NKAIN2: variants seen among roughly 807,000 people sequenced by gnomAD.
NKAIN2 encodes the protein sodium/potassium transporting ATPase interacting 2.
A neutral mutation model predicts 32.6 loss-of-function variants in NKAIN2; 14 were observed. That is an observed-to-expected ratio of 0.43 (90% confidence interval 0.28 to 0.67). The LOEUF (loss-of-function observed/expected upper bound fraction) is 0.67. NKAIN2 is among the 30% of genes least tolerant of loss of function. The pLI is 0.17. For missense variants in NKAIN2, 198 were observed against 258.3 expected, an observed-to-expected ratio of 0.77 and a Z score of 1.60; for synonymous variants, 80 against 87.2, an observed-to-expected ratio of 0.92 and a Z score of 0.46.
At chr6:124,103,172 G>C (rs1784968643) in intron 1 of NKAIN2, among the ~76,000 whole-genome samples, 1 of 152,166 alleles carries the variant, frequency 6.6e-6, no homozygotes, top group African/African-American at 2.4e-5. Flanking sequence ...CAAACTTTCA[G>C]ATATTTAGAC....
intron 2 of NKAIN2, among the ~76,000 whole-genome samples, chr6:124,328,203 C>A (rs571280603): frequency 2.0e-5 from 3 of 152,046 alleles, no homozygotes; most frequent in Non-Finnish European, 1.5e-5. Flanking sequence ...TAGAGATCAT[C>A]GTACAGATAT....
rs1228043524 is a variant in NKAIN2, at chr6:124,282,989, T to G, written c.55-16T>G. 9 of 1,613,040 alleles carry G rather than the reference T, an allele frequency of 5.6e-6. No homozygotes were observed. The South Asian group carries it at 7.7e-5, about 14-fold the overall frequency. On this transcript the variant is annotated splice_polypyrimidine_tract_variant and intron_variant, in intron 1 of 6. Transcript: ENST00000368417. ...TTCTCACATGCTGATCTGTCCATCC[T>G]GTTTTGCTATTCTAGGTTTGTGTGC...
intron 2 of NKAIN2, among the ~76,000 whole-genome samples, chr6:124,312,295 C>T (rs1389104549): frequency 6.6e-6 from 1 of 152,138 alleles, no homozygotes; most frequent in Non-Finnish European, 1.5e-5. Flanking sequence ...AGCTAGCTGT[C>T]TTCCAATTCA....
At chr6:124,807,990 C>A (rs1038062904) in intron 5 of NKAIN2, among the ~76,000 whole-genome samples, 1 of 148,242 alleles carries the variant, frequency 6.7e-6, no homozygotes, top group African/African-American at 2.4e-5. Flanking sequence ...TGGCAATAAT[C>A]AATAGCTTAC....
At chr6:124,227,867 A>T (rs186097467) in intron 1 of NKAIN2, among the ~76,000 whole-genome samples, 40 of 152,224 alleles carry the variant, frequency 2.6e-4, no homozygotes, top group Admixed American at 2.1e-3. Flanking sequence ...TTAGTTTGGG[A>T]TGCTATAACA....
chr6:124,463,807 A>G (rs1056711406), intron 3 of NKAIN2, among the ~76,000 whole-genome samples: 8 of 152,030 alleles, frequency 5.3e-5, no homozygotes, highest in African/African-American at 1.7e-4. Context: ...TTAAGATGTT[A>G]TTGCTTTTCC....
At position 124,745,237 on chromosome 6, in the gene NKAIN2, C is replaced by T. The variant is rs765808075; in HGVS notation, c.475-46102C>T. 2.9e-4 allele frequency among the ~76,000 whole-genome samples: 44 copies of T among 151,732 alleles called. 1 individual carries two copies. Among genetic ancestry groups the T allele is most frequent in the Non-Finnish European group, 5.0e-4 (34 of 67,850 alleles). ...ATGACAGAATATATAAATATTCTAA[C>T]ATATTTGAAGTTAAAGAAGACTTTA... On this transcript the variant is annotated intron_variant, in intron 4 of 6. Coordinates refer to ENST00000368417, the MANE Select transcript of NKAIN2 (RefSeq NM_001040214.3).
chr6:124,482,734 A>G (rs969898054), intron 3 of NKAIN2, among the ~76,000 whole-genome samples: 3 of 152,238 alleles, frequency 2.0e-5, no homozygotes, highest in Non-Finnish European at 2.9e-5. Flanking sequence ...GTTGAAAAGA[A>G]TGTGTGTCCA....
At position 124,772,039 on chromosome 6, in the gene NKAIN2, G is replaced by C. The variant is rs576379513; in HGVS notation, c.475-19300G>C. ...ATTTTGAAAATGCCACATATGCCAG[G>C]TAAAATAATTTGAATTTTGTCATGA... On this transcript the variant is annotated intron_variant, in intron 4 of 6. Transcript: ENST00000368417. Among the ~76,000 whole-genome samples the C allele has an allele frequency of 8.5e-5, 13 of 152,268 alleles. No homozygotes were observed. The East Asian group carries it at 2.5e-3, about 29-fold the overall frequency.
chr6:124,438,793 C>G (rs553350363), intron 3 of NKAIN2, among the ~76,000 whole-genome samples: 1 of 152,280 alleles, frequency 6.6e-6, no homozygotes, highest in South Asian at 2.1e-4. Context: ...AATTCTCACA[C>G]CCTCTTTCTT....
chr6:124,574,584 A>G (rs1254516610), intron 3 of NKAIN2, among the ~76,000 whole-genome samples: 4 of 152,150 alleles, frequency 2.6e-5, no homozygotes, highest in Non-Finnish European at 5.9e-5. Context: ...GCCCCAGTGC[A>G]CTCCAGCCTG....
chr6:124,055,349 G>A (rs1782595596), intron 1 of NKAIN2, among the ~76,000 whole-genome samples: 1 of 151,942 alleles, frequency 6.6e-6, no homozygotes, highest in African/African-American at 2.4e-5. Flanking sequence ...AGTACCCTGG[G>A]ATCTTTTAAA....
At chr6:123,850,354 A>AT (rs1458102559) in intron 1 of NKAIN2, among the ~76,000 whole-genome samples, 55 of 103,548 alleles carry the variant, frequency 5.3e-4, no homozygotes, top group African/African-American at 1.6e-3. Flanking sequence ...AAAAAAAAAA[A>AT]AATATATATA....
chr6:124,166,250 C>A (rs1191576831), intron 1 of NKAIN2, among the ~76,000 whole-genome samples: 17 of 144,214 alleles, frequency 1.2e-4, no homozygotes, highest in Admixed American at 2.8e-4. Flanking sequence ...TTTTGATTTG[C>A]ATTTCTCTGA....
intron 1 of NKAIN2, among the ~76,000 whole-genome samples, chr6:123,916,067 G>A (rs183947251): frequency 3.3e-5 from 5 of 152,224 alleles, no homozygotes; most frequent in Non-Finnish European, 7.4e-5. Flanking sequence ...GAGTATGGAT[G>A]ATCTCTGAAC....
intron 2 of NKAIN2, among the ~76,000 whole-genome samples, chr6:124,337,893 G>T (rs748024785): frequency 6.6e-6 from 1 of 152,182 alleles, no homozygotes; most frequent in Non-Finnish European, 1.5e-5. Flanking sequence ...GGAACAAGGG[G>T]TGGCTAGAGT....
chr6:123,876,969 G>A (rs1261581681), intron 1 of NKAIN2, among the ~76,000 whole-genome samples: 1 of 151,842 alleles, frequency 6.6e-6, no homozygotes, highest in Non-Finnish European at 1.5e-5. Context: ...TTTTTCACTT[G>A]TTTTTCAGGC....
intron 4 of NKAIN2, 119 bp downstream of exon 4, chr6:124,658,505 A>G (rs1583596139): frequency 6.6e-7 from 1 of 1,523,322 alleles, no homozygotes; most frequent in Non-Finnish European, 8.8e-7. Context: ...CTTTTTCCTC[A>G]TTAATGCGAC....
At chr6:124,112,681 G>A (rs759720633) in intron 1 of NKAIN2, among the ~76,000 whole-genome samples, 5 of 152,076 alleles carry the variant, frequency 3.3e-5, no homozygotes, top group Non-Finnish European at 7.4e-5. Context: ...ATCATTAAGA[G>A]ACTTCCATAA....
Sources: allele counts gnomAD v4.1 joint callset (sites outside exome capture counted in the v4.1 genomes callset), GRCh38; gene constraint gnomAD v4.1.1; transcripts MANE v1.5; gene names NCBI Gene and HGNC (gene_info 2026-07-23, HGNC 2026-07-21).